Variants in ANXA13 observed in about 807,000 individuals in gnomAD.
ANXA13 encodes the protein annexin A13.
In ANXA13, 36 loss-of-function variants were observed where a neutral mutation model predicts 46.6. The observed-to-expected ratio is 0.77, with a 90% confidence interval of 0.59 to 1.02. The LOEUF is 1.02. Among genes scored for constraint, ANXA13 ranks in the 50% least tolerant of loss-of-function variants. The pLI, the probability that ANXA13 is intolerant of heterozygous loss-of-function variation, is 0.00. For synonymous variants in ANXA13, 163 were observed against 152.9 expected, an observed-to-expected ratio of 1.07 and a Z score of -0.49; for missense variants, 417 against 396.5, an observed-to-expected ratio of 1.05 and a Z score of -0.44.
At chr8:123,730,895 G>A (rs945104380) in intron 1 of ANXA13, among the ~76,000 whole-genome samples, 7 of 152,232 alleles carry the variant, frequency 4.6e-5, no homozygotes, top group Middle Eastern at 3.4e-3. Flanking sequence ...GGAGTTCTCC[G>A]GGCTGCATTC....
At chr8:123,710,077 C>T (rs1456358467) in intron 2 of ANXA13, among the ~76,000 whole-genome samples, 1 of 152,140 alleles carries the variant, frequency 6.6e-6, no homozygotes. Context: ...TATATTAAAG[C>T]AAAATATGTT....
intron 2 of ANXA13, among the ~76,000 whole-genome samples, chr8:123,707,323 C>T (rs1038097163): frequency 1.3e-5 from 2 of 152,084 alleles, no homozygotes; most frequent in African/African-American, 4.8e-5. Context: ...TAGAAATCCT[C>T]CATACTCTGA....
At chr8:123,716,873 T>C (rs1813767726) in intron 1 of ANXA13, among the ~76,000 whole-genome samples, 1 of 152,166 alleles carries the variant, frequency 6.6e-6, no homozygotes, top group Admixed American at 6.5e-5. Flanking sequence ...AACTTCTGCA[T>C]ACAGTGAGAA....
At chr8:123,689,880 A>T (rs1430999804) in intron 8 of ANXA13, among the ~76,000 whole-genome samples, 1 of 152,252 alleles carries the variant, frequency 6.6e-6, no homozygotes, top group Non-Finnish European at 1.5e-5. Context: ...AGTATGCACC[A>T]GTGGAGTTTA....
chr8:123,704,704 G>A (rs1813508884), intron 2 of ANXA13, among the ~76,000 whole-genome samples: 1 of 152,148 alleles, frequency 6.6e-6, no homozygotes, highest in Non-Finnish European at 1.5e-5. Context: ...GCCTGCGGTT[G>A]ACAATTCTTT....
intron 1 of ANXA13, among the ~76,000 whole-genome samples, chr8:123,713,043 C>T (rs1444093550): frequency 3.3e-5 from 5 of 152,308 alleles, no homozygotes; most frequent in Admixed American, 2.0e-4. Flanking sequence ...ATCAACCCCA[C>T]CTTTGTGTGT....
At position 123,688,872 on chromosome 8, in the gene ANXA13, G is replaced by T; in HGVS notation, c.717C>A (p.Leu239=). The change falls in exon 9 of 11, where the codon CTC becomes CTA. Residue 239 remains leucine, a splice_region_variant and synonymous_variant. Transcript: ENST00000419625. The stretch of plus-strand genomic sequence containing the variant: ...GGAGCTCTCCTAACTTTACTTTACC[G>T]AGAGTTAAATAGGCCTTCTGCAAGT... ...SGDLQKAYLT[L]VRCAQDCEDY... The T allele has an allele frequency of 6.2e-7, 1 of 1,613,506 alleles. No individual in the cohort carries two copies. Among genetic ancestry groups the T allele is most frequent in the South Asian group, 1.1e-5 (1 of 91,042 alleles).
intron 2 of ANXA13, among the ~76,000 whole-genome samples, chr8:123,711,066 C>T (rs2129893878): frequency 6.6e-6 from 1 of 152,274 alleles, no homozygotes; most frequent in South Asian, 2.1e-4. Flanking sequence ...CATGATCTCC[C>T]TACTCAGTGG....
intron 1 of ANXA13, among the ~76,000 whole-genome samples, chr8:123,721,670 TGTACTCATA>T (rs1295542794): frequency 7.2e-5 from 11 of 152,216 alleles, no homozygotes; most frequent in African/African-American, 2.7e-4. Context: ...GAAATCACTT[TGTACTCATA>T]GAAAAAGAGT....
At chr8:123,684,411 C>T (rs1210852587) in intron 10 of ANXA13, among the ~76,000 whole-genome samples, 199 bp downstream of exon 10, 2 of 152,162 alleles carry the variant, frequency 1.3e-5, no homozygotes, top group South Asian at 2.1e-4. Context: ...AAAGAAGCAA[C>T]GATCATTATT....
chr8:123,695,358 T>G, intron 6 of ANXA13, 144 bp downstream of exon 6: 1 of 654,622 alleles, frequency 1.5e-6, no homozygotes, highest in South Asian at 1.9e-5. Flanking sequence ...GCTGGGCTGA[T>G]GGAGCATGGG....
intron 8 of ANXA13, among the ~76,000 whole-genome samples, chr8:123,691,781 A>G (rs763898462): frequency 6.6e-6 from 1 of 152,192 alleles, no homozygotes; most frequent in Non-Finnish European, 1.5e-5. Context: ...GGGACTGAGA[A>G]TTCTCAATTT....
At chr8:123,696,558 A>G (rs11324955) in intron 4 of ANXA13, among the ~76,000 whole-genome samples, 9 of 24,024 alleles carry the variant, frequency 3.7e-4, no homozygotes, top group South Asian at 6.2e-3. Context: ...CTGCTCCCCC[A>G]CCCCCCCCAC....
chr8:123,724,687 A>G (rs1813948466), intron 1 of ANXA13, among the ~76,000 whole-genome samples: 1 of 152,246 alleles, frequency 6.6e-6, no homozygotes, highest in Non-Finnish European at 1.5e-5. Context: ...CACTGAAAGC[A>G]TTAAAGCCAT....
chr8:123,693,449 A>G (rs1563606848), intron 7 of ANXA13, 151 bp from the exon 8 acceptor site: 1 of 732,902 alleles, frequency 1.4e-6, no homozygotes, highest in Middle Eastern at 2.5e-4. Flanking sequence ...TAACCCACAA[A>G]TGTATTTCAC....
chr8:123,717,157 G>C (rs1813771895), intron 1 of ANXA13, among the ~76,000 whole-genome samples: 1 of 152,182 alleles, frequency 6.6e-6, no homozygotes, highest in Non-Finnish European at 1.5e-5. Flanking sequence ...AGGAATCCTG[G>C]TTTGAATGAG....
intron 3 of ANXA13, among the ~76,000 whole-genome samples, chr8:123,699,959 A>C (rs1342280028): frequency 1.3e-5 from 2 of 152,252 alleles, no homozygotes; most frequent in African/African-American, 4.8e-5. Flanking sequence ...TTAAACGGTC[A>C]ATAAATGCTT....
chr8:123,732,668 G>T (rs1180302006), intron 1 of ANXA13, among the ~76,000 whole-genome samples: 22 of 146,986 alleles, frequency 1.5e-4, no homozygotes, highest in Non-Finnish European at 2.9e-4. Flanking sequence ...ACAATGGCTG[G>T]TTTGTTTTTT....
intron 6 of ANXA13, among the ~76,000 whole-genome samples, chr8:123,695,057 G>A (rs1216954930): frequency 1.3e-5 from 2 of 152,064 alleles, no homozygotes; most frequent in East Asian, 3.9e-4. Flanking sequence ...TCTTGTTGTA[G>A]TCCTTACAGG....
Sources: gnomAD v4.1 joint callset for allele counts (sites outside exome capture counted in the v4.1 genomes callset) on GRCh38, gnomAD v4.1.1 for gene constraint, MANE v1.5 for transcripts, NCBI Gene and HGNC (gene_info 2026-07-23, HGNC 2026-07-21) for gene names.